The following TPR variants were observed in gnomAD, a reference collection of about 807,000 sequenced individuals.
The protein encoded by TPR is translocated promoter region, nuclear basket protein, also known as nucleoprotein TPR.
In TPR, 51 loss-of-function variants were observed where a neutral mutation model predicts 316.1. The ratio of observed to expected loss-of-function variants is 0.16; its 90% CI spans 0.13 to 0.20. The LOEUF is 0.20. Among genes scored for constraint, TPR ranks in the 10% least tolerant of loss-of-function variants. The probability of loss-of-function intolerance (pLI) is 1.00; values close to 1 mark genes in which losing one functional copy is unlikely to be tolerated. For synonymous variants in TPR, 981 were observed against 914.7 expected (o/e 1.07, Z -1.31); for missense variants, 2,272 against 2,754.8 (o/e 0.82, Z 3.92).
intron 40 of TPR, among the ~76,000 whole-genome samples, 185 bp from the exon 41 acceptor site, chr1:186,326,420 T>G (rs1557991531): frequency 6.6e-6 from 1 of 152,126 alleles, no homozygotes; most frequent in African/African-American, 2.4e-5. Flanking sequence ...CTGGAATTAG[T>G]GCAATAATGA....
At position 186,333,331 on chromosome 1, in the gene TPR, C is replaced by T. The variant is rs751320107; in HGVS notation, c.5246G>A (p.Arg1749His). Residue 1749 changes from arginine (R) to histidine (H), a missense_variant, in exon 37 of 51, where the codon CGT becomes CAT. By Grantham distance (29) the Arg-to-His change is conservative. Transcript: ENST00000367478. Reference sequence around the variant, plus strand: ...AGGCTGGACATTAGGACTAGTAGAACGAACGGATCCACTTGTGCTTCCAAA... The same window carrying T: ...AGGCTGGACATTAGGACTAGTAGAATGAACGGATCCACTTGTGCTTCCAAA... ...PVFGSTSGSVRSTSPNVQPSI... is the reference protein window; with the variant it reads ...PVFGSTSGSVHSTSPNVQPSI... 9 of 1,613,482 alleles carry T rather than the reference C, an allele frequency of 5.6e-6. No homozygotes were observed. The highest frequency in any genetic ancestry group is 5.0e-5 in the Admixed American group (3 of 59,904).
intron 17 of TPR, 162 bp from the exon 18 acceptor site, chr1:186,354,012 C>A: frequency 1.7e-6 from 1 of 574,304 alleles, no homozygotes; most frequent in Non-Finnish European, 2.9e-6. Context: ...TTGAATTCTG[C>A]TTAGAAATAA....
rs757798262 is a variant in TPR at position 186,359,930 on chromosome 1, T to G, written c.1258A>C (p.Asn420His). 6.2e-7 allele frequency: 1 copy of G among 1,609,806 alleles called. No individual in the cohort carries two copies. Among genetic ancestry groups the G allele is most frequent in the Non-Finnish European group, 8.5e-7 (1 of 1,178,928 alleles). ...LLEKLENKRI[N>H]KYLDEIVKEV... ...TTCACTATTTCATCTAGGTACTTAT[T>G]AATTCTTTTGTTCTCTAGTTTCTCC... The change falls in exon 12 of 51, where the codon AAT becomes CAT. Residue 420 changes from asparagine (N) to histidine (H), a missense_variant. By Grantham distance (68) the Asn-to-His change is moderately conservative (BLOSUM62 1). Around this residue, in one of 10 missense-constraint regions of TPR, gnomAD observed 549 missense variants for 598.6 expected, o/e 0.92. Transcript: ENST00000367478.
Position 186,314,297 on chromosome 1 carries a change from T to G in TPR, c.7037-271A>C, listed in dbSNP as rs573168932. The G allele has an allele frequency of 1.5e-4, 59 of 401,030 alleles. 1 individual carries two copies. The South Asian group carries it at 2.4e-3, about 16-fold the overall frequency. The allele number at this position is 401,030 out of a possible 1,614,324, so 24.8% of individuals were successfully genotyped here. A position where few individuals can be genotyped will look rare whatever the true frequency, so the allele number is the denominator to read the frequency against. ...ATAATCACAAAGCTTTATCGTGTTGTATAAAAAAATTAACAATATAATGGC... is the reference window on the plus strand; with the variant it reads ...ATAATCACAAAGCTTTATCGTGTTGGATAAAAAAATTAACAATATAATGGC... On this transcript the variant is annotated intron_variant, in intron 50 of 50. Coordinates refer to ENST00000367478, the MANE Select transcript of TPR (RefSeq NM_003292.3).
intron 27 of TPR, chr1:186,342,299 T>C (rs1658533886): frequency 6.7e-6 from 1 of 149,940 alleles, no homozygotes; most frequent in Admixed American, 6.7e-5. Context: ...ATATAATCTA[T>C]GTTACTTGTT....
At position 186,336,571 on chromosome 1, in the gene TPR, G is replaced by T; in HGVS notation, c.4630C>A (p.Gln1544Lys). 6.2e-7 allele frequency: 1 copy of T among 1,613,920 alleles called. No individual in the cohort carries two copies. The highest frequency in any genetic ancestry group is 8.5e-7 in the Non-Finnish European group (1 of 1,179,912). Residue 1544 changes from glutamine to lysine, a missense_variant, in exon 33 of 51, where the codon CAA (glutamine) becomes AAA (lysine). Physicochemically the swap from Gln to Lys is moderately conservative, Grantham distance 53. Transcript: ENST00000367478. ...DRTTQEEQLRQQITEKEEKTR... is the reference protein window; with the variant it reads ...DRTTQEEQLRKQITEKEEKTR... ...TTTTCTTCCTTTTCAGTTATCTGTT[G>T]TCGGAGCTGCTCCTCCTGTGTGGTT...
At chr1:186,344,687 A>T in intron 24 of TPR, 109 bp from the exon 25 acceptor site, 3 of 771,172 alleles carry the variant, frequency 3.9e-6, no homozygotes, top group Non-Finnish European at 5.5e-6. Context: ...AAGTAAAGAC[A>T]ATCTAAATGT....
At chr1:186,314,055 T>A in intron 50 of TPR, 29 bp from the exon 51 acceptor site, 1 of 1,598,774 alleles carries the variant, frequency 6.3e-7, no homozygotes, top group Non-Finnish European at 8.5e-7. Flanking sequence ...TCAAATTGAA[T>A]ATATCTTTTA....
intron 3 of TPR, among the ~76,000 whole-genome samples, chr1:186,370,085 CA>C (rs1201960873): frequency 3.3e-5 from 5 of 152,072 alleles, no homozygotes; most frequent in Admixed American, 3.3e-4. Context: ...ATTTTTATAT[CA>C]GCATTGTAAT....
In TPR at chr1:186,351,362, C is replaced by T. The variant is rs766211362; in HGVS notation, c.2578G>A (p.Glu860Lys). Residue 860 changes from glutamate (E) to lysine (K), a missense_variant, in exon 20 of 51, where the codon GAA (glutamate) becomes AAA (lysine). Coordinates refer to ENST00000367478, the MANE Select transcript of TPR (RefSeq NM_003292.3). The part of the protein sequence containing the change: ...HLKKKLENEV[E>K]QRHTLTRNLD... ...TTTCTAGTAAGTGTATGCCTTTGTT[C>T]CACCTCATTTTCCAACTTCTTCTTT... 1.9e-6 allele frequency: 3 copies of T among 1,612,066 alleles called. No homozygotes were observed. The highest frequency in any genetic ancestry group is 1.7e-5 in the Admixed American group (1 of 59,716).
At chr1:186,328,217 A>G (rs1375083814) in intron 39 of TPR, among the ~76,000 whole-genome samples, 1 of 152,198 alleles carries the variant, frequency 6.6e-6, no homozygotes, top group Non-Finnish European at 1.5e-5. Flanking sequence ...AAAAGAGAAA[A>G]AAATATAAAC....
rs770802051 is a variant in TPR, at chr1:186,317,506, C to G, written c.6916G>C (p.Asp2306His). Residue 2306 changes from aspartate to histidine, a missense_variant, in exon 49 of 51, where the codon GAT becomes CAT. Coordinates refer to ENST00000367478, the MANE Select transcript of TPR (RefSeq NM_003292.3). ...DESDLPSTSQ[D>H]PPSSSSVDTS... ...CCTACAGATGAGCTAGAAGGAGGATCCTGGCTGGTGGAGGGGAGATCTGAC... is the reference window on the plus strand; with the variant it reads ...CCTACAGATGAGCTAGAAGGAGGATGCTGGCTGGTGGAGGGGAGATCTGAC... The G allele has an allele frequency of 6.2e-7, 1 of 1,614,102 alleles. No homozygotes were observed. The highest frequency in any genetic ancestry group is 8.5e-7 in the Non-Finnish European group (1 of 1,180,000).
chr1:186,375,029 G>A lies in TPR; in HGVS notation c.-1C>T. 6.2e-7 allele frequency: 1 copy of A among 1,614,042 alleles called. No individual in the cohort carries two copies. Among genetic ancestry groups the A allele is most frequent in the African/African-American group, 1.3e-5 (1 of 75,032 alleles). On this transcript the variant is annotated 5_prime_UTR_variant, in exon 1 of 51. Transcript: ENST00000367478. Reference sequence around the variant, plus strand: ...GGACTTGCTGCAACACCGCCGCCATGTCGGTGGGGCCAGGGACCCCAGTGG... The same window carrying A: ...GGACTTGCTGCAACACCGCCGCCATATCGGTGGGGCCAGGGACCCCAGTGG...
chr1:186,369,167 TA>T (rs1269343080), intron 3 of TPR, among the ~76,000 whole-genome samples: 1 of 152,220 alleles, frequency 6.6e-6, no homozygotes, highest in East Asian at 1.9e-4. Flanking sequence ...AACAGTTTTC[TA>T]AATCATGAAG....
chr1:186,367,297 C>T (rs1344533307), intron 4 of TPR, among the ~76,000 whole-genome samples: 2 of 152,002 alleles, frequency 1.3e-5, no homozygotes, highest in African/African-American at 4.8e-5. Context: ...GGACTCCTGA[C>T]CTCATGATCC....
rs757571344 is a variant in TPR, at chr1:186,346,269, T to C, written c.2962A>G (p.Lys988Glu). ...KEKQVTEEVR[K>E]NIEVRLKESA... is the part of the protein sequence containing the mutation. ...TCTTTTAAACGAACTTCAATATTCT[T>C]ACGCACTTCTTCTGTCACCTTTACC... Residue 988 changes from lysine to glutamate, a missense_variant, in exon 23 of 51, where the codon AAG (lysine) becomes GAG (glutamate). Physicochemically the swap from Lys to Glu is moderately conservative, Grantham distance 56 (BLOSUM62 1). Coordinates refer to ENST00000367478, the MANE Select transcript of TPR (RefSeq NM_003292.3). The C allele has an allele frequency of 1.2e-6, 2 of 1,612,806 alleles. No homozygotes were observed. Among genetic ancestry groups the C allele is most frequent in the Non-Finnish European group, 1.7e-6 (2 of 1,179,518 alleles).
At chr1:186,331,395 G>GC in intron 39 of TPR, 103 bp downstream of exon 39, 1 of 753,658 alleles carries the variant, frequency 1.3e-6, no homozygotes, top group East Asian at 2.7e-5. Flanking sequence ...CATATAATAA[G>GC]AACAAGCTAA....
At chr1:186,330,583 T>C (rs371157770) in intron 39 of TPR, among the ~76,000 whole-genome samples, 2 of 152,212 alleles carry the variant, frequency 1.3e-5, no homozygotes, top group South Asian at 2.1e-4. Flanking sequence ...CATAAATATG[T>C]ATAGCGTTTC....
At chr1:186,352,170 G>C in intron 18 of TPR, 60 bp from the exon 19 acceptor site, 1 of 1,468,554 alleles carries the variant, frequency 6.8e-7, no homozygotes, top group Non-Finnish European at 9.1e-7. Context: ...AGTGTATTAA[G>C]ATTATAAAAT....
Sources: gnomAD v4.1 joint callset for allele counts (sites outside exome capture counted in the v4.1 genomes callset) on GRCh38, gnomAD v4.1.1 for gene constraint, gnomAD v4.1.1 regional missense constraint, MANE v1.5 for transcripts, NCBI Gene and HGNC (gene_info 2026-07-23, HGNC 2026-07-21) for gene names.